The following KCND2 variants were observed in gnomAD, a reference collection of about 807,000 sequenced individuals.
The protein encoded by KCND2 is A-type voltage-gated potassium channel KCND2.
Under a neutral mutation model 54.4 loss-of-function variants are expected in KCND2, and 16 were observed. The observed-to-expected ratio is 0.29, with a 90% CI of 0.20 to 0.45. The LOEUF is 0.45. KCND2 is among the 20% of genes least tolerant of loss of function. The probability of loss-of-function intolerance (pLI) is 1.00; values close to 1 mark genes in which losing one functional copy is unlikely to be tolerated. For synonymous variants in KCND2, 317 were observed against 310.7 expected (o/e 1.02, Z -0.21); for missense variants, 486 against 824.2 (o/e 0.59, Z 5.02).
chr7:120,676,449 TA>T (rs1252511971), intron 1 of KCND2, among the ~76,000 whole-genome samples: 1 of 152,198 alleles, frequency 6.6e-6, no homozygotes, highest in African/African-American at 2.4e-5. Flanking sequence ...ATTCAGTTCC[TA>T]GCTGTCTTTA....
intron 1 of KCND2, among the ~76,000 whole-genome samples, chr7:120,276,335 A>G (rs1206774135): frequency 6.6e-6 from 1 of 152,164 alleles, no homozygotes; most frequent in Non-Finnish European, 1.5e-5. Context: ...TAGGTTATTC[A>G]GTCTTTTAGA....
chr7:120,688,760 A>G (rs1037786603), intron 1 of KCND2, among the ~76,000 whole-genome samples: 3 of 152,164 alleles, frequency 2.0e-5, no homozygotes, highest in Non-Finnish European at 4.4e-5. Flanking sequence ...AAAAAATGTT[A>G]AAAGAACAAG....
intron 4 of KCND2, among the ~76,000 whole-genome samples, chr7:120,743,457 G>C (rs1792966304): frequency 6.6e-6 from 1 of 152,172 alleles, no homozygotes; most frequent in Admixed American, 6.6e-5. Context: ...TGTGGCCTCT[G>C]CTACCATTTA....
chr7:120,522,453 A>G (rs1365224242), intron 1 of KCND2, among the ~76,000 whole-genome samples: 2 of 152,184 alleles, frequency 1.3e-5, no homozygotes, highest in Non-Finnish European at 2.9e-5. Context: ...AGAGATATTT[A>G]AAGATCAATG....
At chr7:120,478,624 G>A (rs539178803) in intron 1 of KCND2, among the ~76,000 whole-genome samples, 2 of 152,124 alleles carry the variant, frequency 1.3e-5, no homozygotes, top group South Asian at 4.1e-4. Context: ...CCTCTAACAG[G>A]TGGAGATTTG....
At chr7:120,705,185 T>A (rs1189045913) in intron 1 of KCND2, among the ~76,000 whole-genome samples, 1 of 152,168 alleles carries the variant, frequency 6.6e-6, no homozygotes, top group Non-Finnish European at 1.5e-5. Context: ...ACCCAAGTGC[T>A]TAACTCTGCT....
intron 1 of KCND2, among the ~76,000 whole-genome samples, chr7:120,399,863 G>C (rs529845024): frequency 1.3e-5 from 2 of 151,764 alleles, no homozygotes; most frequent in Non-Finnish European, 2.9e-5. Flanking sequence ...GTAGCTGGAA[G>C]TACAGGTGCC....
intron 1 of KCND2, among the ~76,000 whole-genome samples, chr7:120,659,868 A>G (rs1409027573): frequency 6.6e-6 from 1 of 152,232 alleles, no homozygotes; most frequent in East Asian, 1.9e-4. Flanking sequence ...TGAAAAAGAA[A>G]TAGACATAGA....
intron 1 of KCND2, among the ~76,000 whole-genome samples, chr7:120,490,256 C>G (rs552962630): frequency 6.6e-6 from 1 of 152,250 alleles, no homozygotes; most frequent in East Asian, 1.9e-4. Flanking sequence ...AGTTATGAAT[C>G]TAGGCAACAA....
chr7:120,452,763 A>G (rs1042892272), intron 1 of KCND2, among the ~76,000 whole-genome samples: 9 of 152,170 alleles, frequency 5.9e-5, no homozygotes, highest in African/African-American at 1.9e-4. Context: ...TGGTGTGTCA[A>G]CGTTAGCAGT....
intron 1 of KCND2, among the ~76,000 whole-genome samples, chr7:120,690,947 G>A (rs1792261124): frequency 6.6e-6 from 1 of 152,192 alleles, no homozygotes; most frequent in Non-Finnish European, 1.5e-5. Flanking sequence ...CGCTGTGGAT[G>A]TTGAAATTTT....
intron 1 of KCND2, among the ~76,000 whole-genome samples, chr7:120,588,054 A>G (rs1387153298): frequency 6.6e-6 from 1 of 152,188 alleles, no homozygotes; most frequent in Non-Finnish European, 1.5e-5. Context: ...GTAAATGACA[A>G]AACTACCTGT....
At chr7:120,609,425 T>C (rs1013598563) in intron 1 of KCND2, among the ~76,000 whole-genome samples, 2 of 152,152 alleles carry the variant, frequency 1.3e-5, no homozygotes, top group African/African-American at 4.8e-5. Flanking sequence ...TCAGAGTTAC[T>C]GAGGCTTTGC....
intron 1 of KCND2, among the ~76,000 whole-genome samples, chr7:120,522,302 G>A (rs1791708837): frequency 6.6e-6 from 1 of 152,158 alleles, no homozygotes; most frequent in Non-Finnish European, 1.5e-5. Flanking sequence ...AATCTACCCA[G>A]TTGGACACAA....
intron 1 of KCND2, among the ~76,000 whole-genome samples, chr7:120,358,643 C>A (rs1349723134): frequency 6.6e-6 from 1 of 152,084 alleles, no homozygotes; most frequent in African/African-American, 2.4e-5. Flanking sequence ...ACTTGCTCAT[C>A]AATTTCTCTT....
intron 1 of KCND2, among the ~76,000 whole-genome samples, chr7:120,586,798 T>A (rs1792606150): frequency 6.6e-6 from 1 of 152,180 alleles, no homozygotes; most frequent in Non-Finnish European, 1.5e-5. Flanking sequence ...ATAGCCCTGC[T>A]TGAATAGTTT....
intron 1 of KCND2, among the ~76,000 whole-genome samples, chr7:120,410,259 A>T (rs1284901084): frequency 6.6e-6 from 1 of 151,886 alleles, no homozygotes; most frequent in Non-Finnish European, 1.5e-5. Context: ...GCCTGTCTTT[A>T]TGACAACATC....
intron 1 of KCND2, among the ~76,000 whole-genome samples, chr7:120,490,635 C>G (rs1393399366): frequency 6.6e-6 from 1 of 152,096 alleles, no homozygotes; most frequent in African/African-American, 2.4e-5. Context: ...GCAGCAGCAT[C>G]ATATCACATA....
chr7:120,309,648 T>A (rs1799705845), intron 1 of KCND2, among the ~76,000 whole-genome samples: 1 of 151,658 alleles, frequency 6.6e-6, no homozygotes, highest in Admixed American at 6.6e-5. Context: ...TAATCCCCAA[T>A]ATCACCTTAT....
Sources: allele counts gnomAD v4.1 joint callset (sites outside exome capture counted in the v4.1 genomes callset), GRCh38; gene constraint gnomAD v4.1.1; transcripts MANE v1.5; gene names NCBI Gene and HGNC (gene_info 2026-07-23, HGNC 2026-07-21).